BRD7: variants seen among roughly 807,000 people sequenced by gnomAD.
BRD7 encodes the protein bromodomain containing 7, also known as bromodomain-containing protein 7.
Under a neutral mutation model 82.1 loss-of-function variants are expected in BRD7, and 15 were observed. That is an observed-to-expected ratio of 0.18 (90% CI 0.12 to 0.28). BRD7 has a LOEUF of 0.28. Among genes scored for constraint, BRD7 ranks in the 10% least tolerant of loss-of-function variants. The pLI is 1.00. For missense variants in BRD7, 638 were observed against 779.9 expected (o/e 0.82, Z 2.17); for synonymous variants, 232 against 266.9 (o/e 0.87, Z 1.27).
At chr16:50,368,463 C>G in intron 1 of BRD7, 165 bp from the exon 2 acceptor site, 1 of 850,204 alleles carries the variant, frequency 1.2e-6, no homozygotes, top group Non-Finnish European at 1.8e-6. Context: ...GGTGCGGCGG[C>G]GCCGCCCGCC....
At chr16:50,359,817 C>T (rs2038873846) in intron 2 of BRD7, among the ~76,000 whole-genome samples, 1 of 150,206 alleles carries the variant, frequency 6.7e-6, no homozygotes, top group South Asian at 2.1e-4. Context: ...GAGGAAGTAA[C>T]ATCTGAGCTG....
At chr16:50,344,908 TAC>T (rs2038219400) in intron 5 of BRD7, among the ~76,000 whole-genome samples, 1 of 152,038 alleles carries the variant, frequency 6.6e-6, no homozygotes, top group South Asian at 2.1e-4. Flanking sequence ...ATTCAGGAAA[TAC>T]AGAGAATGCC....
At position 50,322,289 on chromosome 16, in the gene BRD7, G is replaced by A. The variant is rs560805335; in HGVS notation, c.1444-251C>T. Reference sequence around the variant, plus strand: ...AAAAGCTATATACATGTTTAAGAAGGTATTTGGTAAATAACTTATAAATAT... The same window carrying A: ...AAAAGCTATATACATGTTTAAGAAGATATTTGGTAAATAACTTATAAATAT... On this transcript the variant is annotated intron_variant, in intron 12 of 16. Transcript: ENST00000394688. Among the ~76,000 whole-genome samples, 11 of 152,258 alleles carry A rather than the reference G, an allele frequency of 7.2e-5. 1 individual carries two copies. Among genetic ancestry groups the A allele is most frequent in the African/African-American group, 1.7e-4 (7 of 41,556 alleles).
intron 5 of BRD7, among the ~76,000 whole-genome samples, chr16:50,347,086 G>A (rs2038315596): frequency 6.6e-6 from 1 of 152,148 alleles, no homozygotes; most frequent in Non-Finnish European, 1.5e-5. Flanking sequence ...TTCATCCCTG[G>A]GAGGCAAGGC....
chr16:50,342,006 C>G (rs1162719987), intron 5 of BRD7, among the ~76,000 whole-genome samples: 1 of 150,242 alleles, frequency 6.7e-6, no homozygotes, highest in Admixed American at 6.6e-5. Flanking sequence ...ATAAATATTA[C>G]TTTAGGCCGT....
intron 8 of BRD7, among the ~76,000 whole-genome samples, chr16:50,332,264 A>C (rs2037599558): frequency 7.4e-6 from 1 of 134,724 alleles, no homozygotes; most frequent in Non-Finnish European, 1.6e-5. Flanking sequence ...TACGCATCCA[A>C]TAAAGGACTA....
rs2039265497 is a variant in BRD7, at chr16:50,368,835, C to T, written c.-61G>A. ...GGCCCAGGCCGTGCGGCGCCGCTTC[C>T]GGTCCGGGCCAGGCGAGCGGAGGGC... On this transcript the variant is annotated 5_prime_UTR_variant, in exon 1 of 17. Coordinates refer to ENST00000394688, the MANE Select transcript of BRD7 (RefSeq NM_013263.5). 7 of 1,288,992 alleles carry T rather than the reference C, an allele frequency of 5.4e-6. No homozygotes were observed. Among genetic ancestry groups the T allele is most frequent in the South Asian group, 1.7e-5 (1 of 57,900 alleles). The allele number at this position is 1,288,992 out of a possible 1,614,324, so 79.8% of individuals were successfully genotyped here.
Position 50,316,969 on chromosome 16 carries a change from G to A in BRD7, c.*2242C>T, listed in dbSNP as rs962622835. On this transcript the variant is annotated 3_prime_UTR_variant, in exon 17 of 17. Coordinates refer to ENST00000394688, the MANE Select transcript of BRD7 (RefSeq NM_013263.5). ...GAGCCTTTACAAGATGATTATACAG[G>A]GTTGCAGATTGGGTGACTGACCAGA... 3 of 152,870 alleles carry A rather than the reference G, an allele frequency of 2.0e-5. No homozygotes were observed. The highest frequency in any genetic ancestry group is 7.2e-5 in the African/African-American group (3 of 41,550). The allele number at this position is 152,870 out of a possible 1,614,324, so 9.5% of individuals were successfully genotyped here.
chr16:50,354,518 AAGG>A lies in BRD7; in HGVS notation c.389-39_389-37del, dbSNP rs774819194. The A allele has an allele frequency of 1.1e-5, 17 of 1,551,604 alleles. 1 individual carries two copies. The South Asian group carries it at 1.8e-4, about 16-fold the overall frequency. On this transcript the variant is annotated intron_variant, in intron 3 of 16. Transcript: ENST00000394688. Reference sequence around the variant, plus strand: ...GAAGAAGGGAAAAGGGTATTTTAAAAAGGAGTATTCTAGAGAGTATTATTTACT... The same window carrying A: ...GAAGAAGGGAAAAGGGTATTTTAAAAAGTATTCTAGAGAGTATTATTTACT...
intron 2 of BRD7, among the ~76,000 whole-genome samples, chr16:50,363,927 G>A (rs2039038442): frequency 6.6e-6 from 1 of 152,008 alleles, no homozygotes; most frequent in African/African-American, 2.4e-5. Context: ...GCTGGGTGTG[G>A]TGATACATGC....
At chr16:50,344,637 C>T (rs1057037102) in intron 5 of BRD7, among the ~76,000 whole-genome samples, 7 of 151,920 alleles carry the variant, frequency 4.6e-5, no homozygotes, top group East Asian at 1.9e-4. Context: ...TTTCAGTAGC[C>T]GATTTGATCA....
chr16:50,331,373 G>A (rs2071639532), intron 8 of BRD7, among the ~76,000 whole-genome samples: 1 of 152,164 alleles, frequency 6.6e-6, no homozygotes, highest in Non-Finnish European at 1.5e-5. Context: ...TAAGCAAAAA[G>A]AACAAAGTCA....
intron 2 of BRD7, among the ~76,000 whole-genome samples, chr16:50,363,810 T>C (rs1335335681): frequency 6.6e-6 from 1 of 152,166 alleles, no homozygotes; most frequent in Non-Finnish European, 1.5e-5. Flanking sequence ...ATCCTAGTAC[T>C]TTTGGGAGGC....
At chr16:50,346,890 A>C in intron 5 of BRD7, among the ~76,000 whole-genome samples, 1 of 152,156 alleles carries the variant, frequency 6.6e-6, no homozygotes, top group Non-Finnish European at 1.5e-5. Context: ...AAAAGAGGGA[A>C]TCCTCCCTAA....
intron 2 of BRD7, among the ~76,000 whole-genome samples, chr16:50,367,275 T>C (rs1449025892): frequency 6.6e-6 from 1 of 152,104 alleles, no homozygotes; most frequent in Non-Finnish European, 1.5e-5. Flanking sequence ...CAGGCTGGAG[T>C]GCAGTGGTAT....
At chr16:50,347,714 G>A (rs2038346209) in intron 5 of BRD7, among the ~76,000 whole-genome samples, 1 of 152,162 alleles carries the variant, frequency 6.6e-6, no homozygotes, top group Middle Eastern at 3.2e-3. Context: ...GGATGTGAAG[G>A]ACCTCTTCAA....
At chr16:50,333,002 G>A (rs1439465996) in intron 8 of BRD7, among the ~76,000 whole-genome samples, 1 of 152,014 alleles carries the variant, frequency 6.6e-6, no homozygotes, top group East Asian at 1.9e-4. Flanking sequence ...GAGGGAAGGG[G>A]GCAAGGGTTC....
intron 8 of BRD7, among the ~76,000 whole-genome samples, chr16:50,333,371 T>C (rs1359220474): frequency 2.6e-5 from 4 of 152,222 alleles, no homozygotes; most frequent in African/African-American, 4.8e-5. Context: ...GAAAATATCA[T>C]GAGTTGAAAA....
At chr16:50,322,511 A>T (rs548211417) in intron 12 of BRD7, among the ~76,000 whole-genome samples, 1 of 152,334 alleles carries the variant, frequency 6.6e-6, no homozygotes, top group East Asian at 1.9e-4. Context: ...ACAAGAGACA[A>T]ATATATCATG....
Sources: allele counts gnomAD v4.1 joint callset (sites outside exome capture counted in the v4.1 genomes callset), GRCh38; gene constraint gnomAD v4.1.1; transcripts MANE v1.5; gene names NCBI Gene and HGNC (gene_info 2026-07-23, HGNC 2026-07-21).